Variants in SASH1 observed in about 807,000 individuals in gnomAD.
SASH1 encodes SAM and SH3 domain containing 1, also known as SAM and SH3 domain-containing protein 1.
Under a neutral mutation model 125.2 loss-of-function variants are expected in SASH1, and 44 were observed. The ratio of observed to expected loss-of-function variants is 0.35; its 90% confidence interval spans 0.28 to 0.45. The LOEUF (loss-of-function observed/expected upper bound fraction) is 0.45. Among genes scored for constraint, SASH1 ranks in the 20% least tolerant of loss-of-function variants. The pLI is 1.00. For missense variants in SASH1, 1,426 were observed against 1,614.5 expected, an observed-to-expected ratio of 0.88 and a Z score of 2.00; for synonymous variants, 639 against 649.1, an observed-to-expected ratio of 0.98 and a Z score of 0.24.
the SASH1 span, among the ~76,000 whole-genome samples, chr6:148,260,904 G>C: frequency 6.7e-6 from 1 of 148,462 alleles, no homozygotes; most frequent in Non-Finnish European, 1.5e-5. Flanking sequence ...TCCTGGGTTC[G>C]AGCGATTCTC....
intron 1 of SASH1, among the ~76,000 whole-genome samples, chr6:148,349,824 C>T (rs902773585): frequency 1.5e-4 from 23 of 151,504 alleles, no homozygotes; most frequent in Non-Finnish European, 1.2e-4. Flanking sequence ...TTAGAGATGT[C>T]GTATGCCTTG....
intron 1 of SASH1, among the ~76,000 whole-genome samples, chr6:148,312,945 G>T (rs1343121690): frequency 6.6e-6 from 1 of 152,132 alleles, no homozygotes; most frequent in Admixed American, 6.6e-5. Flanking sequence ...GTGTCTTAAA[G>T]GACAGGTAGA....
chr6:148,410,520 A>G (rs1409320495), intron 2 of SASH1, among the ~76,000 whole-genome samples: 1 of 152,166 alleles, frequency 6.6e-6, no homozygotes, highest in Non-Finnish European at 1.5e-5. Context: ...CTCAAAAGAG[A>G]TTACTAGTAA....
rs368973056 is a variant in SASH1, at chr6:148,440,382, G to T, written c.361G>T (p.Val121Leu). The T allele has an allele frequency of 1.9e-6, 3 of 1,613,758 alleles. No individual in the cohort carries two copies. Among genetic ancestry groups the T allele is most frequent in the Non-Finnish European group, 8.5e-7 (1 of 1,179,906 alleles). Residue 121 changes from valine to leucine, a missense_variant, in exon 4 of 20, where the codon GTG (valine) becomes TTG (leucine). Transcript: ENST00000367467. ...IEESLGFCSAVSTPEVERKNP... is the reference protein window; with the variant it reads ...IEESLGFCSALSTPEVERKNP... ...GGAGTCGCTTGGCTTCTGTAGCGCC[G>T]TGTCAACCCCAGAAGTGGAAAGAAA...
chr6:148,455,898 G>A (rs56807597), intron 4 of SASH1, among the ~76,000 whole-genome samples: 13,750 of 152,118 alleles, frequency 0.09, 667 homozygotes, highest in Middle Eastern at 0.13. Flanking sequence ...CTCCATGCCC[G>A]CAGTGCCTCC....
the SASH1 span, among the ~76,000 whole-genome samples, chr6:148,257,200 A>G: frequency 6.6e-6 from 1 of 152,164 alleles, no homozygotes; most frequent in Non-Finnish European, 1.5e-5. Context: ...TTACCCACAT[A>G]TAAGGAAGAG....
intron 2 of SASH1, among the ~76,000 whole-genome samples, chr6:148,421,157 G>GA (rs1554254979): frequency 1.2e-5 from 1 of 83,654 alleles, no homozygotes; most frequent in African/African-American, 4.5e-5. Flanking sequence ...AAGAAAGAAA[G>GA]AAAGAAAGAA....
At chr6:148,362,049 G>T (rs7769660) in intron 1 of SASH1, among the ~76,000 whole-genome samples, 138,829 of 148,166 alleles carry the variant, frequency 0.94, 65,395 homozygotes, top group South Asian at 0.99. Context: ...GAGTAGCTGG[G>T]ACTACAGACG....
intron 4 of SASH1, among the ~76,000 whole-genome samples, chr6:148,462,103 A>G (rs892153323): frequency 2.6e-5 from 4 of 152,122 alleles, no homozygotes; most frequent in African/African-American, 9.7e-5. Context: ...GGGATGATGC[A>G]GGAAAAGACC....
At chr6:148,454,562 A>G (rs1777249051) in intron 4 of SASH1, among the ~76,000 whole-genome samples, 1 of 152,248 alleles carries the variant, frequency 6.6e-6, no homozygotes, top group Admixed American at 6.5e-5. Context: ...GGTGGAAGAA[A>G]GGGTGTGCGA....
At chr6:148,360,328 A>T (rs541487134) in intron 1 of SASH1, among the ~76,000 whole-genome samples, 42 of 147,504 alleles carry the variant, frequency 2.8e-4, no homozygotes, top group African/African-American at 9.8e-4. Context: ...CTGCCACAGG[A>T]CTTGCTTTTA....
intron 1 of SASH1, among the ~76,000 whole-genome samples, chr6:148,377,184 C>CAA (rs1205507255): frequency 7.9e-5 from 3 of 38,142 alleles, no homozygotes; most frequent in African/African-American, 3.0e-4. Context: ...AAAAAAAAAA[C>CAA]AAAAAAAAAA....
the SASH1 span, among the ~76,000 whole-genome samples, chr6:148,223,706 T>A: frequency 6.6e-6 from 1 of 152,196 alleles, no homozygotes; most frequent in Non-Finnish European, 1.5e-5. Context: ...AGGACATAGC[T>A]CATGACTCAA....
Position 148,514,399 on chromosome 6 carries a change from C to G in SASH1, c.805C>G (p.Arg269Gly). The change falls in exon 9 of 20, where the codon CGC becomes GGC. Residue 269 changes from arginine (R) to glycine (G), a missense_variant. Coordinates refer to ENST00000367467, the MANE Select transcript of SASH1 (RefSeq NM_015278.5). ...GTTACACAAGCTGGTAAACTCCACT[C>G]GCAGAGTCAGAAAGAAACTAATTAG... ...KRLHKLVNST[R>G]RVRKKLIRVE... The G allele has an allele frequency of 1.9e-6, 3 of 1,587,230 alleles. No individual in the cohort carries two copies. Among genetic ancestry groups the G allele is most frequent in the Middle Eastern group, 1.7e-4 (1 of 5,894 alleles).
chr6:148,252,065 A>C, the SASH1 span, among the ~76,000 whole-genome samples: 28 of 152,070 alleles, frequency 1.8e-4, no homozygotes, highest in African/African-American at 2.9e-4. Flanking sequence ...CCGGAAATGC[A>C]TTCCTATGAA....
At chr6:148,397,783 C>G (rs566369886) in intron 2 of SASH1, among the ~76,000 whole-genome samples, 16 of 152,204 alleles carry the variant, frequency 1.1e-4, no homozygotes, top group African/African-American at 3.9e-4. Flanking sequence ...AAATATTCAA[C>G]TGAGCATTTA....
chr6:148,296,923 T>C (rs530969518), intron 1 of SASH1, among the ~76,000 whole-genome samples: 7 of 152,364 alleles, frequency 4.6e-5, no homozygotes, highest in African/African-American at 1.4e-4. Context: ...ATTTTCATGC[T>C]TGTGAAAGCA....
the SASH1 span, among the ~76,000 whole-genome samples, chr6:148,225,543 A>G: frequency 1.3e-5 from 2 of 152,040 alleles, no homozygotes; most frequent in Non-Finnish European, 2.9e-5. Flanking sequence ...AGGCATAAGA[A>G]TGATATAATG....
chr6:148,326,358 G>GTATATATATATA (rs1780818212), intron 1 of SASH1, among the ~76,000 whole-genome samples: 1 of 12,458 alleles, frequency 8.0e-5, no homozygotes, highest in African/African-American at 2.7e-4. Context: ...ATATATATAT[G>GTATATATATATA]CATATATATA....
Sources: allele counts gnomAD v4.1 joint callset (sites outside exome capture counted in the v4.1 genomes callset), GRCh38; gene constraint gnomAD v4.1.1; transcripts MANE v1.5; gene names NCBI Gene and HGNC (gene_info 2026-07-23, HGNC 2026-07-21).